The following FGD5 variants were observed in gnomAD, a reference collection of about 807,000 sequenced individuals.
FGD5 encodes the protein FYVE, RhoGEF and PH domain-containing protein 5.
FGD5 carries 28 observed loss-of-function variants against 133.4 expected under a neutral mutation model. The ratio of observed to expected loss-of-function variants is 0.21; its 90% CI spans 0.16 to 0.29. The LOEUF (loss-of-function observed/expected upper bound fraction) is 0.29. Among genes scored for constraint, FGD5 ranks in the 10% least tolerant of loss-of-function variants. The pLI, the probability that FGD5 is intolerant of heterozygous loss-of-function variation, is 1.00. For synonymous variants in FGD5, 810 were observed against 776.5 expected (o/e 1.04, Z -0.72); for missense variants, 1,858 against 1,895.2 (o/e 0.98, Z 0.36).
chr3:14,924,543 G>A (rs1400774923), intron 17 of FGD5, among the ~76,000 whole-genome samples: 2 of 152,086 alleles, frequency 1.3e-5, no homozygotes, highest in East Asian at 3.9e-4. Context: ...CATGGGCTCC[G>A]CAGGAAACTT....
intron 1 of FGD5, among the ~76,000 whole-genome samples, chr3:14,824,557 A>G (rs979560924): frequency 6.6e-6 from 1 of 152,222 alleles, no homozygotes; most frequent in African/African-American, 2.4e-5. Context: ...TCAAAGCCTA[A>G]GGTCCCAACA....
At chr3:14,924,204 A>C (rs1007378965) in intron 17 of FGD5, 66 bp downstream of exon 17, 2 of 1,608,510 alleles carry the variant, frequency 1.2e-6, no homozygotes, top group African/African-American at 2.7e-5. Context: ...CATCCTGGGT[A>C]GACGGAGTCA....
chr3:14,850,979 C>T (rs901572146), intron 1 of FGD5, among the ~76,000 whole-genome samples: 7 of 152,170 alleles, frequency 4.6e-5, no homozygotes, highest in Non-Finnish European at 1.0e-4. Context: ...CAAAATTCCT[C>T]AGCTTTGGAC....
intron 10 of FGD5, among the ~76,000 whole-genome samples, chr3:14,908,949 T>TTC (rs1553630947): frequency 0.027 from 3,853 of 141,056 alleles, 188 homozygotes; most frequent in East Asian, 0.22. Context: ...TTTATTTATT[T>TTC]ATTCATTCAT....
Position 14,837,972 on chromosome 3 carries a change from C to T in FGD5, c.2525+16376C>T, listed in dbSNP as rs2036849417. Among the ~76,000 whole-genome samples the T allele has an allele frequency of 2.0e-5, 3 of 152,232 alleles. No homozygotes were observed. In the South Asian group the frequency reaches 6.2e-4, roughly 31 times the overall value. Reference sequence around the variant, plus strand: ...ACAACATCTGTTTTTCATCTCCCAGCTCTGTGGGTCAGCAGTCTAGTGGGC... The same window carrying T: ...ACAACATCTGTTTTTCATCTCCCAGTTCTGTGGGTCAGCAGTCTAGTGGGC... On this transcript the variant is annotated intron_variant, in intron 1 of 19. Coordinates refer to ENST00000285046, the MANE Select transcript of FGD5 (RefSeq NM_152536.4).
At chr3:14,885,311 G>GA (rs1158783685) in intron 4 of FGD5, among the ~76,000 whole-genome samples, 1 of 151,860 alleles carries the variant, frequency 6.6e-6, no homozygotes, top group East Asian at 2.0e-4. Context: ...AGAGGTGGAA[G>GA]AAGGGGTCAG....
rs774157346 is a variant in FGD5, at chr3:14,921,901, C to G, written c.3570-17C>G. On this transcript the variant is annotated splice_polypyrimidine_tract_variant and intron_variant, in intron 13 of 19. Transcript: ENST00000285046. Reference sequence around the variant, plus strand: ...AGAGCTGCTCCTGCCTTTGCTCACTCCAGCCCATGCCCGCAGCTCCTGTGC... The same window carrying G: ...AGAGCTGCTCCTGCCTTTGCTCACTGCAGCCCATGCCCGCAGCTCCTGTGC... 1 of 1,556,048 alleles carries G rather than the reference C, an allele frequency of 6.4e-7. No individual in the cohort carries two copies. Among genetic ancestry groups the G allele is most frequent in the East Asian group, 2.4e-5 (1 of 41,252 alleles).
intron 2 of FGD5, among the ~76,000 whole-genome samples, chr3:14,866,706 AGCTTTT>A (rs1339104497): frequency 1.3e-5 from 2 of 152,228 alleles, no homozygotes; most frequent in African/African-American, 2.4e-5. Flanking sequence ...CCAAGGTCAG[AGCTTTT>A]GATTGAGACT....
intron 4 of FGD5, among the ~76,000 whole-genome samples, chr3:14,883,372 A>G (rs1016309197): frequency 6.6e-6 from 1 of 152,114 alleles, no homozygotes; most frequent in African/African-American, 2.4e-5. Flanking sequence ...CAGTCATAAG[A>G]ACTTTCCTCA....
At chr3:14,865,621 T>C (rs1422479721) in intron 2 of FGD5, among the ~76,000 whole-genome samples, 1 of 152,008 alleles carries the variant, frequency 6.6e-6, no homozygotes, top group African/African-American at 2.4e-5. Flanking sequence ...TGTCCTGAGG[T>C]TGTCCATGTT....
At chr3:14,932,508 T>G in intron 18 of FGD5, 69 bp from the exon 19 acceptor site, 26 of 1,510,740 alleles carry the variant, frequency 1.7e-5, no homozygotes, top group Non-Finnish European at 2.2e-5. Flanking sequence ...CATCTCAGAT[T>G]GGAGATAACA....
Position 14,819,261 on chromosome 3 carries a change from G to C in FGD5, c.190G>C (p.Asp64His). The change falls in exon 1 of 20, where the codon GAT becomes CAT. Residue 64 changes from aspartate (D) to histidine (H), a missense_variant. Asp to His is a moderately conservative substitution (Grantham distance 81). Around this residue, in one of 3 missense-constraint regions of FGD5, gnomAD observed 1,824 missense variants for 1,848.9 expected, o/e 0.99. Transcript: ENST00000285046. The surrounding 1 kb of genome is among the most constrained non-coding windows in gnomAD (Gnocchi z 4.1). ...GTGCTCTGAGTCGGAGACCGACGAG[G>C]ATTACATCGTGGTCCCCAGGGTTCC... is the stretch of plus-strand genomic sequence containing the variant. ...PKCSESETDE[D>H]YIVVPRVPLR... 2 of 1,536,624 alleles carry C rather than the reference G, an allele frequency of 1.3e-6. No individual in the cohort carries two copies. The highest frequency in any genetic ancestry group is 1.8e-6 in the Non-Finnish European group (2 of 1,139,600).
intron 17 of FGD5, among the ~76,000 whole-genome samples, chr3:14,925,782 CT>C (rs2038791386): frequency 6.6e-6 from 1 of 152,162 alleles, no homozygotes; most frequent in Non-Finnish European, 1.5e-5. Flanking sequence ...AACGAAGTTT[CT>C]TGAGTTGAGG....
chr3:14,909,375 T>C (rs1295200316), intron 10 of FGD5, among the ~76,000 whole-genome samples: 7 of 152,266 alleles, frequency 4.6e-5, no homozygotes, highest in Admixed American at 4.6e-4. Flanking sequence ...TAAATGCTGC[T>C]GTGTGCTAAC....
chr3:14,871,470 G>A (rs2037604921), intron 2 of FGD5, among the ~76,000 whole-genome samples: 1 of 152,230 alleles, frequency 6.6e-6, no homozygotes, highest in Admixed American at 6.5e-5. Context: ...GGAGCTGGGA[G>A]TCCAACCTGC....
chr3:14,811,673 A>T (rs567511665), intron 1 of FGD5, among the ~76,000 whole-genome samples: 1 of 152,210 alleles, frequency 6.6e-6, no homozygotes, highest in African/African-American at 2.4e-5. Flanking sequence ...AATCGCAGGG[A>T]TCCCTCCAGA....
At chr3:14,861,616 G>T (rs770638127) in intron 1 of FGD5, among the ~76,000 whole-genome samples, 4 of 152,186 alleles carry the variant, frequency 2.6e-5, no homozygotes, top group Non-Finnish European at 5.9e-5. Context: ...CCTTTCCAGG[G>T]GTTTGGCTTC....
At chr3:14,892,540 G>T (rs1404029355) in intron 4 of FGD5, among the ~76,000 whole-genome samples, 1 of 152,172 alleles carries the variant, frequency 6.6e-6, no homozygotes, top group Non-Finnish European at 1.5e-5. Flanking sequence ...CCAGCAGGCC[G>T]GGCGCGGTGG....
At chr3:14,881,755 C>G (rs543149214) in intron 4 of FGD5, among the ~76,000 whole-genome samples, 56 of 152,276 alleles carry the variant, frequency 3.7e-4, no homozygotes, top group African/African-American at 9.9e-4. Context: ...TGTGGAAGCC[C>G]AGAGGAGGTG....
Sources: allele counts gnomAD v4.1 joint callset (sites outside exome capture counted in the v4.1 genomes callset), GRCh38; gene constraint gnomAD v4.1.1; regional missense constraint gnomAD v4.1.1; non-coding constraint Gnocchi (gnomAD v3.1); transcripts MANE v1.5; gene names NCBI Gene and HGNC (gene_info 2026-07-23, HGNC 2026-07-21).